USP40: variants seen among roughly 807,000 people sequenced by gnomAD.
The protein encoded by USP40 is ubiquitin carboxyl-terminal hydrolase 40.
In USP40, 143 loss-of-function variants were observed where a neutral mutation model predicts 166.2. The ratio of observed to expected loss-of-function variants is 0.86; its 90% CI spans 0.75 to 0.99. The LOEUF is 0.99. Ranked by LOEUF, USP40 falls within the 50% of genes least tolerant of loss-of-function variation. USP40 has a pLI of 0.00. For missense variants in USP40, 1,444 were observed against 1,479.7 expected, an observed-to-expected ratio of 0.98 and a Z score of 0.40; for synonymous variants, 498 against 524.0, an observed-to-expected ratio of 0.95 and a Z score of 0.68.
chr2:233,559,968 T>C (rs760988857), intron 3 of USP40, 44 bp from the exon 4 acceptor site: 16 of 1,453,966 alleles, frequency 1.1e-5, no homozygotes, highest in Non-Finnish European at 1.5e-5. Flanking sequence ...TCTTTAAGTG[T>C]TGACTAAGGC....
chr2:233,505,753 T>A (rs1176651055), intron 21 of USP40, among the ~76,000 whole-genome samples: 1 of 152,108 alleles, frequency 6.6e-6, no homozygotes, highest in African/African-American at 2.4e-5. Context: ...TTAAAGAATA[T>A]CAATTCTCCT....
chr2:233,565,303 C>T, intron 2 of USP40, 53 bp downstream of exon 2: 2 of 1,313,748 alleles, frequency 1.5e-6, no homozygotes, highest in South Asian at 2.7e-5. Context: ...TAATTAATTA[C>T]ATGTAAAGAA....
intron 2 of USP40, 89 bp downstream of exon 2, chr2:233,565,267 A>C (rs991159983): frequency 1.0e-6 from 1 of 991,536 alleles, no homozygotes; most frequent in Non-Finnish European, 1.5e-6. Flanking sequence ...TATCTTTAAG[A>C]TAATTGGTCT....
intron 28 of USP40, among the ~76,000 whole-genome samples, chr2:233,487,466 T>C (rs2065017224): frequency 6.6e-6 from 1 of 152,212 alleles, no homozygotes; most frequent in Admixed American, 6.5e-5. Flanking sequence ...CAGGAAACTA[T>C]TTCTGGTTGT....
At chr2:233,544,693 ACTT>A (rs2069743134) in intron 8 of USP40, among the ~76,000 whole-genome samples, 1 of 152,122 alleles carries the variant, frequency 6.6e-6, no homozygotes. Flanking sequence ...CCAAATATAT[ACTT>A]CTTAATATAT....
chr2:233,498,754 GT>G, intron 22 of USP40, 142 bp from the exon 23 acceptor site: 1 of 664,522 alleles, frequency 1.5e-6, no homozygotes, highest in East Asian at 2.8e-5. Flanking sequence ...TGTTAATGAA[GT>G]CTGAGAACAG....
At chr2:233,559,635 C>G (rs937080831) in intron 4 of USP40, among the ~76,000 whole-genome samples, 176 bp downstream of exon 4, 3 of 152,176 alleles carry the variant, frequency 2.0e-5, no homozygotes, top group Admixed American at 6.5e-5. Context: ...ATCCTGTATA[C>G]AGCAAGTGTC....
In USP40 at chr2:233,563,221, C is replaced by T. The variant is rs1347151413; in HGVS notation, c.200-418G>A. Among the ~76,000 whole-genome samples the T allele has an allele frequency of 3.3e-5, 5 of 152,188 alleles. 1 individual carries two copies. The East Asian group carries it at 7.7e-4, about 24-fold the overall frequency. ...AAGGATCCTCTTTTACTCTGAGATG[C>T]CCTTTTTTTTGGTGTGAAAATGTCT... On this transcript the variant is annotated intron_variant, in intron 2 of 31. Coordinates refer to ENST00000678225, the MANE Select transcript of USP40 (RefSeq NM_001365479.2).
intron 11 of USP40, among the ~76,000 whole-genome samples, chr2:233,530,027 T>C (rs771635886): frequency 6.6e-6 from 1 of 151,940 alleles, no homozygotes; most frequent in Non-Finnish European, 1.5e-5. Context: ...TTTGAACTCC[T>C]GGCCTCAAGT....
chr2:233,521,058 T>C lies in USP40; in HGVS notation c.2258A>G (p.His753Arg), dbSNP rs768903110. 3.7e-6 allele frequency: 6 copies of C among 1,613,558 alleles called. No homozygotes were observed. The highest frequency in any genetic ancestry group is 5.1e-6 in the Non-Finnish European group (6 of 1,179,680). Residue 753 changes from histidine to arginine, a missense_variant, in exon 17 of 32, where the codon CAC becomes CGC. Transcript: ENST00000678225. ...TTCTAACTGGCATAAATTTTTAACGTGGAGCCAGTCAATCTCATTCATACT... is the reference window on the plus strand; with the variant it reads ...TTCTAACTGGCATAAATTTTTAACGCGGAGCCAGTCAATCTCATTCATACT... ...VTSMNEIDWL[H>R]VKNLCQLESE...
rs187907474 is a variant in USP40, at chr2:233,535,527, G to A, written c.1171-1748C>T. Among the ~76,000 whole-genome samples, 274 of 152,300 alleles carry A rather than the reference G, an allele frequency of 1.8e-3. 7 individuals are homozygous for A. The South Asian group carries it at 0.052, about 29-fold the overall frequency. ...TAGTTAGCTGAGCCCTACTGTAAGA[G>A]GAAGGACCATGACCCAGGGCTAAGC... is the stretch of plus-strand genomic sequence containing the variant. On this transcript the variant is annotated intron_variant, in intron 10 of 31. Transcript: ENST00000678225.
intron 21 of USP40, among the ~76,000 whole-genome samples, chr2:233,503,140 T>G (rs1043516385): frequency 1.3e-5 from 2 of 151,890 alleles, no homozygotes; most frequent in Non-Finnish European, 2.9e-5. Context: ...ATCAGAAAAA[T>G]TCATTCATAA....
Position 233,481,960 on chromosome 2 carries a change from C to T in USP40, c.3505-663G>A, listed in dbSNP as rs148308434. On this transcript the variant is annotated intron_variant, in intron 30 of 31. Transcript: ENST00000678225. ...CAGGAAAGACACAGCGCAGGGTCTG[C>T]GGGGTTCGTGCTGGGGGTTGCCCAG... Among the ~76,000 whole-genome samples, 28 of 152,308 alleles carry T rather than the reference C, an allele frequency of 1.8e-4. No individual in the cohort carries two copies. The East Asian group carries it at 5.2e-3, about 28-fold the overall frequency.
chr2:233,487,920 G>T (rs10929178), intron 28 of USP40: 2 of 571,698 alleles, frequency 3.5e-6, no homozygotes, highest in Non-Finnish European at 6.8e-6. Flanking sequence ...TGAATCCGTT[G>T]GATGGCAGAC....
At chr2:233,495,164 C>A (rs1575233941) in intron 24 of USP40, among the ~76,000 whole-genome samples, 1 of 150,956 alleles carries the variant, frequency 6.6e-6, no homozygotes, top group South Asian at 2.1e-4. Flanking sequence ...GAGATAGCTT[C>A]ACAGCATACA....
At chr2:233,531,903 G>A (rs1432765960) in intron 11 of USP40, among the ~76,000 whole-genome samples, 1 of 152,156 alleles carries the variant, frequency 6.6e-6, no homozygotes, top group Non-Finnish European at 1.5e-5. Flanking sequence ...CAGTGAGGCA[G>A]GAGAATAGGG....
intron 5 of USP40, among the ~76,000 whole-genome samples, chr2:233,556,114 T>C (rs1213606151): frequency 2.0e-4 from 27 of 132,880 alleles, no homozygotes; most frequent in Non-Finnish European, 4.1e-4. Context: ...AGACTCCATC[T>C]CAAAAAAAAA....
intron 14 of USP40, among the ~76,000 whole-genome samples, chr2:233,524,775 G>A (rs1049140244): frequency 2.0e-5 from 3 of 152,200 alleles, no homozygotes; most frequent in Admixed American, 2.0e-4. Context: ...CAGGACAAGA[G>A]AGATAATCCA....
At chr2:233,487,956 C>T (rs554201292) in intron 28 of USP40, 34 of 618,894 alleles carry the variant, frequency 5.5e-5, no homozygotes, top group South Asian at 3.8e-4. Flanking sequence ...ACAACAGCTG[C>T]GGGTGGGCCT....
Sources: gnomAD v4.1 joint callset for allele counts (sites outside exome capture counted in the v4.1 genomes callset) on GRCh38, gnomAD v4.1.1 for gene constraint, MANE v1.5 for transcripts, NCBI Gene and HGNC (gene_info 2026-07-23, HGNC 2026-07-21) for gene names.